Variants in ATXN10 observed in about 807,000 individuals in gnomAD.
ATXN10 encodes ataxin 10.
Under a neutral mutation model 52.9 loss-of-function variants are expected in ATXN10, and 28 were observed. The ratio of observed to expected loss-of-function variants is 0.53; its 90% CI spans 0.39 to 0.73. The LOEUF is 0.73. Ranked by LOEUF, ATXN10 falls within the 30% of genes least tolerant of loss-of-function variation. The pLI, the probability that ATXN10 is intolerant of heterozygous loss-of-function variation, is 0.00. For synonymous variants in ATXN10, 226 were observed against 221.5 expected (o/e 1.02, Z -0.18); for missense variants, 565 against 577.0 (o/e 0.98, Z 0.21).
intron 9 of ATXN10, among the ~76,000 whole-genome samples, chr22:45,799,110 C>T (rs1359120729): frequency 6.7e-6 from 1 of 149,086 alleles, no homozygotes; most frequent in African/African-American, 2.5e-5. Context: ...GACAGAGTTT[C>T]ACTCTTGTTA....
At chr22:45,694,909 C>G (rs1013759494) in intron 3 of ATXN10, among the ~76,000 whole-genome samples, 5 of 137,192 alleles carry the variant, frequency 3.6e-5, no homozygotes, top group Non-Finnish European at 6.0e-5. Context: ...CCGCTGCACT[C>G]CAGCCTGGGT....
At position 45,783,593 on chromosome 22, in the gene ATXN10, G is replaced by A. The variant is rs958763681; in HGVS notation, c.1174-23366G>A. Among the ~76,000 whole-genome samples the A allele has an allele frequency of 6.6e-6, 1 of 152,176 alleles. No homozygotes were observed. Among genetic ancestry groups the A allele is most frequent in the African/African-American group, 2.4e-5 (1 of 41,450 alleles). ...TTCGTGTTTCCCTCCAGTGCTGGAT[G>A]TGAATGGTGCTTTTTGCTTGTCTGT... is the stretch of plus-strand genomic sequence containing the variant. On this transcript the variant is annotated intron_variant, in intron 9 of 11. Coordinates refer to ENST00000252934, the MANE Select transcript of ATXN10 (RefSeq NM_013236.4). This position sits in a 1 kb window ranked among gnomAD's most constrained non-coding sequence, Gnocchi z 5.0.
rs1041724217 is a variant in ATXN10 at position 45,705,132 on chromosome 22, A to T, written c.647+2285A>T. On this transcript the variant is annotated intron_variant, in intron 5 of 11. Coordinates refer to ENST00000252934, the MANE Select transcript of ATXN10 (RefSeq NM_013236.4). This position sits in a 1 kb window ranked among gnomAD's most constrained non-coding sequence, Gnocchi z 5.2. ...AAATCCTACTTGTTCATAGTGTATAATCCTTTTTATATGTTGCTGGATTCG... is the reference window on the plus strand; with the variant it reads ...AAATCCTACTTGTTCATAGTGTATATTCCTTTTTATATGTTGCTGGATTCG... Among the ~76,000 whole-genome samples, 2 of 152,116 alleles carry T rather than the reference A, an allele frequency of 1.3e-5. No homozygotes were observed. The highest frequency in any genetic ancestry group is 2.9e-5 in the Non-Finnish European group (2 of 68,024).
rs767190815 is a variant in ATXN10, at chr22:45,738,749, A to T, written c.913A>T (p.Arg305Trp). The stretch of plus-strand genomic sequence containing the variant: ...TTTCTAGGAGGCACTGGCTACAATT[A>T]GGCTTCTCGACGTCCTGTGCGAAAT... ...PDDEEALATI[R>W]LLDVLCEMTV... is the part of the protein sequence containing the mutation. The change falls in exon 8 of 12, where the codon AGG becomes TGG. Residue 305 changes from arginine (R) to tryptophan (W), a missense_variant. By Grantham distance (101) the Arg-to-Trp change is moderately radical. Transcript: ENST00000252934. 6.2e-7 allele frequency: 1 copy of T among 1,614,092 alleles called. No homozygotes were observed. Among genetic ancestry groups the T allele is most frequent in the Non-Finnish European group, 8.5e-7 (1 of 1,179,972 alleles).
chr22:45,757,219 A>G lies in ATXN10; in HGVS notation c.1173+16681A>G, dbSNP rs1926205813. On this transcript the variant is annotated intron_variant, in intron 9 of 11. Transcript: ENST00000252934. This position sits in a 1 kb window ranked among gnomAD's most constrained non-coding sequence, Gnocchi z 4.6. ...AAAATCCGACTGGCGGCCTTGGAGC[A>G]GTTCGAAGAGAGGGCGTGTCCTTTG... is the stretch of plus-strand genomic sequence containing the variant. 6.6e-6 allele frequency among the ~76,000 whole-genome samples: 1 copy of G among 152,170 alleles called. No individual in the cohort carries two copies. Among genetic ancestry groups the G allele is most frequent in the South Asian group, 2.1e-4 (1 of 4,826 alleles).
intron 9 of ATXN10, among the ~76,000 whole-genome samples, chr22:45,764,511 C>A (rs1926515947): frequency 6.6e-6 from 1 of 152,238 alleles, no homozygotes; most frequent in African/African-American, 2.4e-5. Context: ...CAGAATCCAA[C>A]TCGCTCTTCA....
rs1017538947 is a variant in ATXN10, at chr22:45,712,168, G to T, written c.648-6245G>T. On this transcript the variant is annotated intron_variant, in intron 5 of 11. Coordinates refer to ENST00000252934, the MANE Select transcript of ATXN10 (RefSeq NM_013236.4). This position sits in a 1 kb window ranked among gnomAD's most constrained non-coding sequence, Gnocchi z 4.6. ...GCTGTTTGTTAGGGTGTGCAGTCAG[G>T]TGACCTCCCCTGGGGGCACAGGCTG... Among the ~76,000 whole-genome samples the T allele has an allele frequency of 6.6e-6, 1 of 152,144 alleles. No individual in the cohort carries two copies. Among genetic ancestry groups the T allele is most frequent in the Non-Finnish European group, 1.5e-5 (1 of 68,024 alleles).
rs930250097 is a variant in ATXN10 at position 45,727,610 on chromosome 22, C to T, written c.729-1815C>T. ...GCCCGATCTCAGGTGATCCCCCATC[C>T]TCGGCCTCCCAAAGTACTGGGATTT... On this transcript the variant is annotated intron_variant, in intron 6 of 11. Transcript: ENST00000252934. The surrounding 1 kb of genome is among the most constrained non-coding windows in gnomAD (Gnocchi z 4.6). Among the ~76,000 whole-genome samples the T allele has an allele frequency of 6.6e-6, 1 of 152,122 alleles. No homozygotes were observed. The highest frequency in any genetic ancestry group is 2.4e-5 in the African/African-American group (1 of 41,406).
rs201830032 is a variant in ATXN10, at chr22:45,709,350, C to CT, written c.647+6504dup. Among the ~76,000 whole-genome samples, 623 of 152,328 alleles carry CT rather than the reference C, an allele frequency of 4.1e-3. 3 individuals carry two copies. Among genetic ancestry groups the CT allele is most frequent in the African/African-American group, 0.014 (602 of 41,568 alleles). ...TATTTTAGTCATGATTCTTCTGAAT[C>CT]TAAGTGACTGAAGTCCACTTCAGAT... On this transcript the variant is annotated intron_variant, in intron 5 of 11. Transcript: ENST00000252934.
chr22:45,693,030 A>G lies in ATXN10; in HGVS notation c.343A>G (p.Ile115Val), dbSNP rs565235325. 1.2e-6 allele frequency: 2 copies of G among 1,614,110 alleles called. No homozygotes were observed. The highest frequency in any genetic ancestry group is 4.5e-5 in the East Asian group (2 of 44,858). The part of the protein sequence containing the change: ...LDTIGVAVDL[I>V]LLFRELRVEQ... The stretch of plus-strand genomic sequence containing the variant: ...TACGATTGGTGTTGCTGTTGATTTG[A>G]TTCTTCTGTTTCGTGAACTGCGAGT... Residue 115 changes from isoleucine (I) to valine (V), a missense_variant, in exon 3 of 12, where the codon ATT (isoleucine) becomes GTT (valine). Transcript: ENST00000252934.
At chr22:45,723,586 A>G (rs1357156809) in intron 6 of ATXN10, among the ~76,000 whole-genome samples, 3 of 152,128 alleles carry the variant, frequency 2.0e-5, no homozygotes, top group Non-Finnish European at 2.9e-5. Flanking sequence ...GCCTTTGGGT[A>G]CCCATAGCTT....
chr22:45,741,528 A>G (rs929418877), intron 9 of ATXN10, among the ~76,000 whole-genome samples: 4 of 152,164 alleles, frequency 2.6e-5, no homozygotes, highest in Non-Finnish European at 5.9e-5. Flanking sequence ...CTGGTGAAGG[A>G]ACATCAAGGC....
At chr22:45,710,393 G>A (rs1481898371) in intron 5 of ATXN10, among the ~76,000 whole-genome samples, 7 of 152,086 alleles carry the variant, frequency 4.6e-5, no homozygotes, top group African/African-American at 1.7e-4. Context: ...CTATCATTTC[G>A]ACTGAGAGAC....
chr22:45,797,242 C>T (rs931519018), intron 9 of ATXN10, among the ~76,000 whole-genome samples: 1 of 152,154 alleles, frequency 6.6e-6, no homozygotes, highest in African/African-American at 2.4e-5. Context: ...ATTTAGTGAA[C>T]ACTGCACCAA....
At position 45,677,092 on chromosome 22, in the gene ATXN10, C is replaced by T. The variant is rs1343131566; in HGVS notation, c.116+4913C>T. ...ATCACAGAAAGTTCTGGAAATAGTG[C>T]TCTTCTGTAGTAAGTTTTCTATAGG... On this transcript the variant is annotated intron_variant, in intron 1 of 11. Transcript: ENST00000252934. This position sits in a 1 kb window ranked among gnomAD's most constrained non-coding sequence, Gnocchi z 4.1. 1 of 152,222 alleles carries T rather than the reference C, an allele frequency of 6.6e-6. No homozygotes were observed. Among genetic ancestry groups the T allele is most frequent in the East Asian group, 1.9e-4 (1 of 5,198 alleles). The allele number at this position is 152,222 out of a possible 1,614,324, so 9.4% of individuals were successfully genotyped here.
Position 45,766,719 on chromosome 22 carries a change from C to G in ATXN10, c.1173+26181C>G, listed in dbSNP as rs1394130669. Among the ~76,000 whole-genome samples, 1 of 151,902 alleles carries G rather than the reference C, an allele frequency of 6.6e-6. No homozygotes were observed. Among genetic ancestry groups the G allele is most frequent in the East Asian group, 1.9e-4 (1 of 5,188 alleles). On this transcript the variant is annotated intron_variant, in intron 9 of 11. Transcript: ENST00000252934. The surrounding 1 kb of genome is among the most constrained non-coding windows in gnomAD (Gnocchi z 4.6). ...TTGGATGACAAGAAGCAAATAAGCA[C>G]ATAAAATGATAAAGAAAAAATAGTG...
In ATXN10 at chr22:45,736,960, A is replaced by C. The variant is rs191839495; in HGVS notation, c.895-1771A>C. On this transcript the variant is annotated intron_variant, in intron 7 of 11. Coordinates refer to ENST00000252934, the MANE Select transcript of ATXN10 (RefSeq NM_013236.4). ...TTTAAAGAGAAACTTTCCCTAACCA[A>C]TTCTTAGGTTCTGTGAGGTACACTG... Among the ~76,000 whole-genome samples the C allele has an allele frequency of 2.9e-3, 448 of 152,336 alleles. 2 individuals carry two copies. Among genetic ancestry groups the C allele is most frequent in the South Asian group, 8.9e-3 (43 of 4,834 alleles).
chr22:45,748,761 C>G (rs1396888834), intron 9 of ATXN10, among the ~76,000 whole-genome samples: 1 of 152,152 alleles, frequency 6.6e-6, no homozygotes, highest in East Asian at 1.9e-4. Flanking sequence ...AATTCCACTT[C>G]TTTGTAATGT....
intron 2 of ATXN10, among the ~76,000 whole-genome samples, 200 bp from the exon 3 acceptor site, chr22:45,692,796 G>C (rs1364816360): frequency 3.3e-5 from 5 of 152,186 alleles, no homozygotes; most frequent in African/African-American, 1.2e-4. Context: ...AAAGCTGTTG[G>C]AAGCAGTTAG....
Sources: gnomAD v4.1 joint callset for allele counts (sites outside exome capture counted in the v4.1 genomes callset) on GRCh38, gnomAD v4.1.1 for gene constraint, Gnocchi (gnomAD v3.1) non-coding constraint, MANE v1.5 for transcripts, NCBI Gene and HGNC (gene_info 2026-07-23, HGNC 2026-07-21) for gene names.